Variants in BBS4 observed in about 807,000 individuals in gnomAD.
The protein encoded by BBS4 is Bardet-Biedl syndrome 4.
In BBS4, 58 loss-of-function variants were observed where a neutral mutation model predicts 71.4. That is an observed-to-expected ratio of 0.81 (90% CI 0.66 to 1.01). The LOEUF (loss-of-function observed/expected upper bound fraction) is 1.01, where lower values mean the gene tolerates loss of function less well. Among genes scored for constraint, BBS4 ranks in the 50% least tolerant of loss-of-function variants. BBS4 has a pLI of 0.00. For synonymous variants in BBS4, 228 were observed against 216.8 expected (o/e 1.05, Z -0.46); for missense variants, 660 against 607.9 (o/e 1.09, Z -0.90).
At position 72,736,891 on chromosome 15, in the gene BBS4, C is replaced by T. The variant is rs1355426975; in HGVS notation, c.1378C>T (p.Gln460Ter). ...TSTSKPASFQ[Q>*]PLGSNQALGQ... The stretch of plus-strand genomic sequence containing the variant: ...AACCAGCAAACCTGCCAGTTTCCAG[C>T]AGCCTCTGGGCTCTAATCAAGCTCT... The change falls in exon 15 of 16, where the codon CAG becomes TAG. Residue 460 changes from glutamine (Q) to a stop codon, truncating the protein, a stop_gained. Transcript: ENST00000268057. LOFTEE classifies it high-confidence loss of function. The T allele has an allele frequency of 6.2e-7, 1 of 1,614,200 alleles. No individual in the cohort carries two copies. Among genetic ancestry groups the T allele is most frequent in the Non-Finnish European group, 8.5e-7 (1 of 1,180,040 alleles).
At chr15:72,691,646 G>C (rs2064985490) in intron 1 of BBS4, among the ~76,000 whole-genome samples, 1 of 152,092 alleles carries the variant, frequency 6.6e-6, no homozygotes, top group African/African-American at 2.4e-5. Flanking sequence ...TGGAGATCGG[G>C]ATTATTTCTG....
intron 2 of BBS4, among the ~76,000 whole-genome samples, chr15:72,706,890 A>C (rs1023510627): frequency 2.0e-5 from 3 of 152,062 alleles, no homozygotes; most frequent in Non-Finnish European, 1.5e-5. Flanking sequence ...TGTATTGCCC[A>C]GGCTGGTATC....
At chr15:72,736,219 G>GTC (rs1388624260) in intron 14 of BBS4, among the ~76,000 whole-genome samples, 5 of 149,242 alleles carry the variant, frequency 3.4e-5, no homozygotes, top group Admixed American at 6.7e-5. Context: ...GTGTCTGTCT[G>GTC]TAGCTTCCTT....
At chr15:72,696,105 TTG>T (rs1025742752) in intron 2 of BBS4, among the ~76,000 whole-genome samples, 10 of 152,210 alleles carry the variant, frequency 6.6e-5, no homozygotes, top group Admixed American at 1.3e-4. Flanking sequence ...GCAAATGTAA[TTG>T]TGGATTTGTT....
At position 72,737,884 on chromosome 15, in the gene BBS4, A is replaced by C. The variant is rs1567436878; in HGVS notation, c.*297A>C. 2 of 469,214 alleles carry C rather than the reference A, an allele frequency of 4.3e-6. No homozygotes were observed. The highest frequency in any genetic ancestry group is 4.2e-6 in the Non-Finnish European group (1 of 237,062). 29.1% of individuals were successfully genotyped at this position (469,214 alleles called of 1,614,324 possible). On this transcript the variant is annotated 3_prime_UTR_variant, in exon 16 of 16. Transcript: ENST00000268057. ...TGTAGCTGAGTCAGCAAGGTACATG[A>C]TGCTGTCTGCTTTCAAAAGGACTTT...
chr15:72,699,817 T>A (rs2065139139), intron 2 of BBS4, among the ~76,000 whole-genome samples: 1 of 152,222 alleles, frequency 6.6e-6, no homozygotes, highest in South Asian at 2.1e-4. Flanking sequence ...TATGTATCAG[T>A]AGTTCTTTTA....
chr15:72,688,818 G>A lies in BBS4; in HGVS notation c.24+2567G>A, dbSNP rs541080005. 5.3e-5 allele frequency among the ~76,000 whole-genome samples: 8 copies of A among 152,284 alleles called. No individual in the cohort carries two copies. The South Asian group carries it at 1.4e-3, about 28-fold the overall frequency. On this transcript the variant is annotated intron_variant, in intron 1 of 15. Transcript: ENST00000268057. The stretch of plus-strand genomic sequence containing the variant: ...TAGGGCATTCGTTGTAGTACTATCC[G>A]TAGTGGCAAAACGCTGGAAGCAAAT...
intron 3 of BBS4, 30 bp from the exon 4 acceptor site, chr15:72,712,214 T>G: frequency 6.2e-7 from 1 of 1,607,760 alleles, no homozygotes; most frequent in Non-Finnish European, 8.5e-7. Flanking sequence ...ACTTAACCAC[T>G]GCTCAGAAGC....
At chr15:72,730,278 C>CA (rs36057641) in intron 10 of BBS4, among the ~76,000 whole-genome samples, 6 of 133,532 alleles carry the variant, frequency 4.5e-5, no homozygotes, top group African/African-American at 1.7e-4. Flanking sequence ...GACTCTGTCT[C>CA]AAAAAAAAAA....
intron 3 of BBS4, among the ~76,000 whole-genome samples, chr15:72,711,928 C>T (rs1216100724): frequency 2.0e-5 from 3 of 151,712 alleles, no homozygotes; most frequent in African/African-American, 4.8e-5. Flanking sequence ...AGTGCAGTGG[C>T]GCTATCTTGG....
intron 6 of BBS4, among the ~76,000 whole-genome samples, chr15:72,722,355 G>A (rs557404512): frequency 1.3e-5 from 2 of 152,326 alleles, no homozygotes; most frequent in African/African-American, 4.8e-5. Context: ...GATTCCTAGG[G>A]AAAGGACTTC....
intron 6 of BBS4, among the ~76,000 whole-genome samples, chr15:72,720,827 T>G (rs1162277717): frequency 1.9e-4 from 29 of 152,358 alleles, no homozygotes. Context: ...CCTTACCTCC[T>G]GAAAGATAGG....
chr15:72,700,058 G>GC (rs2065143022), intron 2 of BBS4, among the ~76,000 whole-genome samples: 1 of 152,126 alleles, frequency 6.6e-6, no homozygotes, highest in Non-Finnish European at 1.5e-5. Context: ...TTCAGCTTCA[G>GC]CCTCCTGAGT....
chr15:72,733,570 T>A (rs1567431650), intron 12 of BBS4, among the ~76,000 whole-genome samples: 1 of 152,026 alleles, frequency 6.6e-6, no homozygotes, highest in Non-Finnish European at 1.5e-5. Flanking sequence ...GATGGTGGCC[T>A]CCAGCTCCAT....
chr15:72,712,179 CTTTTTCTTAAAGACA>C, intron 3 of BBS4, 50 bp from the exon 4 acceptor site: 1 of 1,510,020 alleles, frequency 6.6e-7, no homozygotes, highest in Non-Finnish European at 9.2e-7. Context: ...TCCATGTCCA[CTTTTTCTTAAAGACA>C]CCTGAAGAAA....
intron 2 of BBS4, among the ~76,000 whole-genome samples, chr15:72,704,691 C>T (rs1225746754): frequency 1.3e-5 from 2 of 151,988 alleles, no homozygotes; most frequent in African/African-American, 2.4e-5. Flanking sequence ...ACCAGCCTGG[C>T]GGACATGGCA....
intron 2 of BBS4, among the ~76,000 whole-genome samples, chr15:72,705,406 T>C (rs1221188195): frequency 6.6e-6 from 1 of 152,158 alleles, no homozygotes; most frequent in Non-Finnish European, 1.5e-5. Flanking sequence ...GAACGAAAAT[T>C]AGCTTTTGGA....
chr15:72,689,828 T>TTTA (rs2064951127), intron 1 of BBS4, among the ~76,000 whole-genome samples: 1 of 137,754 alleles, frequency 7.3e-6, no homozygotes, highest in African/African-American at 3.0e-5. Context: ...TTATTTATTT[T>TTTA]GAGACGGAGT....
intron 14 of BBS4, among the ~76,000 whole-genome samples, 153 bp downstream of exon 14, chr15:72,736,119 C>T (rs1028043830): frequency 1.3e-5 from 2 of 152,054 alleles, no homozygotes; most frequent in Admixed American, 1.3e-4. Flanking sequence ...TTAATAACAG[C>T]CTGAGAAAAA....
Sources: gnomAD v4.1 joint callset for allele counts (sites outside exome capture counted in the v4.1 genomes callset) on GRCh38, gnomAD v4.1.1 for gene constraint, MANE v1.5 for transcripts, NCBI Gene and HGNC (gene_info 2026-07-23, HGNC 2026-07-21) for gene names.